Variants in ZNF407 observed in about 807,000 individuals in gnomAD.
ZNF407 encodes zinc finger protein 407.
In ZNF407, 17 loss-of-function variants were observed where a neutral mutation model predicts 131.2. The observed-to-expected ratio is 0.13, with a 90% CI of 0.09 to 0.19. ZNF407 has a LOEUF of 0.19. Ranked by LOEUF, ZNF407 falls within the 10% of genes least tolerant of loss-of-function variation. The pLI is 1.00. For synonymous variants in ZNF407, 1,156 were observed against 1,062.0 expected (o/e 1.09, Z -1.72); for missense variants, 2,681 against 2,830.6 (o/e 0.95, Z 1.20).
At chr18:74,966,345 G>A (rs1158138780) in intron 8 of ZNF407, among the ~76,000 whole-genome samples, 3 of 152,098 alleles carry the variant, frequency 2.0e-5, no homozygotes, top group Non-Finnish European at 4.4e-5. Flanking sequence ...TTTGTATATG[G>A]TGAGAAATAG....
Position 74,741,200 on chromosome 18 carries a change from G to A in ZNF407, c.4803-40228G>A, listed in dbSNP as rs187061781. 9.2e-5 allele frequency among the ~76,000 whole-genome samples: 14 copies of A among 152,180 alleles called. No homozygotes were observed. In the East Asian group the frequency reaches 2.1e-3, roughly 23 times the overall value. ...GTATGGATGGTGAAATCAGGAATAC[G>A]TTTCTATAGTCAGGTCGGGAGCATT... On this transcript the variant is annotated intron_variant, in intron 3 of 8. Transcript: ENST00000299687.
chr18:74,726,496 T>G (rs1030725258), intron 3 of ZNF407, among the ~76,000 whole-genome samples: 1 of 152,166 alleles, frequency 6.6e-6, no homozygotes, highest in Admixed American at 6.5e-5. Flanking sequence ...CCAATTTACA[T>G]AGAAATATGA....
At chr18:75,017,511 A>G (rs1217924975) in intron 8 of ZNF407, among the ~76,000 whole-genome samples, 1 of 152,148 alleles carries the variant, frequency 6.6e-6, no homozygotes, top group East Asian at 1.9e-4. Flanking sequence ...CCAAGATATC[A>G]GTGCTAGTCA....
chr18:74,679,947 C>T (rs751362154), intron 3 of ZNF407, among the ~76,000 whole-genome samples: 33 of 152,288 alleles, frequency 2.2e-4, no homozygotes, highest in Non-Finnish European at 4.0e-4. Context: ...TTGTGGCTTT[C>T]TAGATGGACC....
At chr18:74,768,850 T>C (rs1328754253) in intron 3 of ZNF407, among the ~76,000 whole-genome samples, 1 of 152,220 alleles carries the variant, frequency 6.6e-6, no homozygotes, top group Non-Finnish European at 1.5e-5. Context: ...CATCACTATT[T>C]ATTTTTAATA....
chr18:74,857,182 C>T (rs1490883054), intron 4 of ZNF407, among the ~76,000 whole-genome samples: 1 of 152,138 alleles, frequency 6.6e-6, no homozygotes, highest in East Asian at 1.9e-4. Flanking sequence ...TTCATGTACA[C>T]CAGCAGCAAT....
At chr18:74,909,391 T>G (rs1971638972) in intron 7 of ZNF407, among the ~76,000 whole-genome samples, 1 of 152,120 alleles carries the variant, frequency 6.6e-6, no homozygotes, top group Non-Finnish European at 1.5e-5. Flanking sequence ...TTTACCTTAA[T>G]CCTCATGATG....
rs1983573095 is a variant in ZNF407, at chr18:74,622,739, TGA to T, written c.-53-8226_-53-8225del. 5.1e-4 allele frequency among the ~76,000 whole-genome samples: 78 copies of T among 151,718 alleles called. 1 individual carries two copies. The East Asian group carries it at 8.5e-3, about 17-fold the overall frequency. ...GCATCACCATAGTGGTGTGTGTCTG[TGA>T]GTGTGTGTGTGAATGAATATTTGTG... is the stretch of plus-strand genomic sequence containing the variant. On this transcript the variant is annotated intron_variant, in intron 1 of 8. Coordinates refer to ENST00000299687, the MANE Select transcript of ZNF407 (RefSeq NM_017757.3).
rs1171261971 is a variant in ZNF407, at chr18:74,744,800, C to CATTAG, written c.4803-36628_4803-36627insATTAG. ...CAATGTATTAGTGTGTAATACATTA[C>CATTAG]TAATGTACTAAGCAGTGTATTAGTG... On this transcript the variant is annotated intron_variant, in intron 3 of 8. Transcript: ENST00000299687. 5.9e-5 allele frequency among the ~76,000 whole-genome samples: 9 copies of CATTAG among 152,244 alleles called. 1 individual carries two copies. The highest frequency in any genetic ancestry group is 1.9e-4 in the African/African-American group (8 of 41,552).
chr18:74,742,212 G>A (rs1968565255), intron 3 of ZNF407, among the ~76,000 whole-genome samples: 1 of 152,176 alleles, frequency 6.6e-6, no homozygotes, highest in African/African-American at 2.4e-5. Context: ...CACAGAACAT[G>A]CTTTTAATGA....
At chr18:74,888,572 C>A (rs1053228332) in intron 6 of ZNF407, among the ~76,000 whole-genome samples, 11 of 152,154 alleles carry the variant, frequency 7.2e-5, no homozygotes, top group African/African-American at 2.7e-4. Context: ...ATAAAAGTTA[C>A]ACTTCAAAAA....
At position 74,631,361 on chromosome 18, in the gene ZNF407, G is replaced by C. The variant is rs377125077; in HGVS notation, c.342G>C (p.Glu114Asp). The C allele has an allele frequency of 6.2e-7, 1 of 1,613,988 alleles. No homozygotes were observed. Among genetic ancestry groups the C allele is most frequent in the Non-Finnish European group, 8.5e-7 (1 of 1,179,890 alleles). Residue 114 changes from glutamate to aspartate, a missense_variant, in exon 2 of 9, where the codon GAG becomes GAC. By Grantham distance (45) the Glu-to-Asp change is conservative (BLOSUM62 2). Around this residue, in one of 6 missense-constraint regions of ZNF407, gnomAD observed 1,789 missense variants for 1,748.7 expected, o/e 1.02. Transcript: ENST00000299687. ...TTGCATTAGATGAAACAGGGAAGGA[G>C]ACCTTTCTGAGTGACTGCACAGTTG... ...GGIALDETGK[E>D]TFLSDCTVGG...
At chr18:74,969,562 AG>A (rs1439144033) in intron 8 of ZNF407, among the ~76,000 whole-genome samples, 10 of 152,130 alleles carry the variant, frequency 6.6e-5, no homozygotes, top group Non-Finnish European at 1.0e-4. Context: ...TGGCTGCCTG[AG>A]GGGGCAGAAA....
At chr18:74,972,848 GCTT>G (rs1972487632) in intron 8 of ZNF407, among the ~76,000 whole-genome samples, 2 of 152,040 alleles carry the variant, frequency 1.3e-5, no homozygotes, top group South Asian at 4.2e-4. Flanking sequence ...TTCTAAATGA[GCTT>G]CTTCTGTGCA....
Position 75,063,802 on chromosome 18 carries a change from G to T in ZNF407, c.6081G>T (p.Glu2027Asp), listed in dbSNP as rs779414301. Residue 2027 changes from glutamate to aspartate, a missense_variant, in exon 9 of 9, where the codon GAG becomes GAT. Physicochemically the swap from Glu to Asp is conservative, Grantham distance 45. Around this residue, in one of 6 missense-constraint regions of ZNF407, gnomAD observed 620 missense variants for 583.1 expected, o/e 1.06. Transcript: ENST00000299687. The surrounding 1 kb of genome is among the most constrained non-coding windows in gnomAD (Gnocchi z 6.6). Reference protein sequence around the residue: ...KDVLIQLPGQEVSHVAADPEA... With the variant: ...KDVLIQLPGQDVSHVAADPEA... The stretch of plus-strand genomic sequence containing the variant: ...TGCTGATCCAGCTGCCCGGGCAGGA[G>T]GTCTCCCATGTGGCTGCCGACCCCG... 1.2e-6 allele frequency: 2 copies of T among 1,608,882 alleles called. No individual in the cohort carries two copies. Among genetic ancestry groups the T allele is most frequent in the South Asian group, 2.2e-5 (2 of 91,036 alleles).
At chr18:74,836,996 G>A (rs558523049) in intron 4 of ZNF407, among the ~76,000 whole-genome samples, 1 of 152,264 alleles carries the variant, frequency 6.6e-6, no homozygotes, top group East Asian at 1.9e-4. Context: ...ACTGCAGAAG[G>A]CTGTCCCACA....
intron 4 of ZNF407, among the ~76,000 whole-genome samples, chr18:74,849,031 G>T (rs1970740517): frequency 6.8e-6 from 1 of 146,504 alleles, no homozygotes; most frequent in African/African-American, 2.5e-5. Context: ...TTCTTGTGGT[G>T]ACTTTGGGCT....
At chr18:75,054,200 T>C (rs1311537169) in intron 8 of ZNF407, among the ~76,000 whole-genome samples, 1 of 152,264 alleles carries the variant, frequency 6.6e-6, no homozygotes, top group African/African-American at 2.4e-5. Context: ...CGTTTGGCTA[T>C]GAGCAGATGT....
chr18:74,859,291 A>C (rs1178422150), intron 4 of ZNF407, among the ~76,000 whole-genome samples: 2 of 152,218 alleles, frequency 1.3e-5, no homozygotes, highest in Non-Finnish European at 2.9e-5. Context: ...TGTTTCTATC[A>C]CAGTTCATTA....
Sources: gnomAD v4.1 joint callset for allele counts (sites outside exome capture counted in the v4.1 genomes callset) on GRCh38, gnomAD v4.1.1 for gene constraint, gnomAD v4.1.1 regional missense constraint, Gnocchi (gnomAD v3.1) non-coding constraint, MANE v1.5 for transcripts, NCBI Gene and HGNC (gene_info 2026-07-23, HGNC 2026-07-21) for gene names.